Variants in ANO1 observed in about 807,000 individuals in gnomAD.
ANO1 encodes anoctamin-1.
A neutral mutation model predicts 124.0 loss-of-function variants in ANO1; 59 were observed. The observed-to-expected ratio is 0.48, with a 90% CI of 0.39 to 0.59. ANO1 has a LOEUF of 0.59. Ranked by LOEUF, ANO1 falls within the 20% of genes least tolerant of loss-of-function variation. The pLI, the probability that ANO1 is intolerant of heterozygous loss-of-function variation, is 0.00. For synonymous variants in ANO1, 529 were observed against 532.0 expected (o/e 0.99, Z 0.08); for missense variants, 1,059 against 1,328.0 (o/e 0.80, Z 3.15).
chr11:70,122,122 A>G (rs1359466961), intron 8 of ANO1, among the ~76,000 whole-genome samples: 2 of 48,902 alleles, frequency 4.1e-5, no homozygotes, highest in African/African-American at 8.6e-5. Context: ...CTGTCTCTCT[A>G]TCTCTGTCTC....
chr11:70,124,481 T>C, intron 9 of ANO1, 67 bp downstream of exon 9: 7 of 1,528,904 alleles, frequency 4.6e-6, no homozygotes, highest in Non-Finnish European at 6.3e-6. Context: ...AACATCCCTG[T>C]GGGTTTCAAC....
intron 1 of ANO1, among the ~76,000 whole-genome samples, chr11:70,079,509 G>A (rs1270162095): frequency 6.6e-6 from 1 of 152,066 alleles, no homozygotes; most frequent in East Asian, 1.9e-4. Flanking sequence ...AGAGAGGGGG[G>A]CAGAATTCTC....
chr11:70,126,733 T>TG (rs2046529308), intron 10 of ANO1, among the ~76,000 whole-genome samples: 1 of 118,284 alleles, frequency 8.5e-6, no homozygotes, highest in Admixed American at 8.4e-5. Flanking sequence ...GGCTGGTGCT[T>TG]GCGGGAGGTG....
At chr11:70,172,933 T>C (rs973873442) in intron 22 of ANO1, among the ~76,000 whole-genome samples, 1 of 152,118 alleles carries the variant, frequency 6.6e-6, no homozygotes, top group African/African-American at 2.4e-5. Context: ...GGTATTTGTG[T>C]CATTCTCGTT....
At chr11:70,146,539 A>G (rs1232465572) in intron 11 of ANO1, among the ~76,000 whole-genome samples, 1 of 152,144 alleles carries the variant, frequency 6.6e-6, no homozygotes, top group Non-Finnish European at 1.5e-5. Context: ...TTCTCTGGAA[A>G]GACAGAACTA....
chr11:70,003,436 T>A (rs11236271), intron 1 of ANO1, among the ~76,000 whole-genome samples: 74,065 of 152,054 alleles, frequency 0.49, 19,314 homozygotes, highest in East Asian at 0.89. Flanking sequence ...ACTTACTGTG[T>A]ACCTCCTGTA....
Position 69,995,639 on chromosome 11 carries a change from A to G in ANO1, c.58+9473A>G, listed in dbSNP as rs1385308040. 2.0e-5 allele frequency among the ~76,000 whole-genome samples: 3 copies of G among 151,980 alleles called. No homozygotes were observed. The East Asian group carries it at 5.8e-4, about 29-fold the overall frequency. ...GTCCCTCAACTGGAACTTTCTTCTCATTATTCAGCTGGGATTATTAGTTTG... is the reference window on the plus strand; with the variant it reads ...GTCCCTCAACTGGAACTTTCTTCTCGTTATTCAGCTGGGATTATTAGTTTG... On this transcript the variant is annotated intron_variant, in intron 1 of 27. Coordinates refer to the ANO1 transcript ENST00000531349.
chr11:70,093,195 C>G (rs2044703954), intron 2 of ANO1, among the ~76,000 whole-genome samples: 1 of 150,626 alleles, frequency 6.6e-6, no homozygotes, highest in Non-Finnish European at 1.5e-5. Context: ...TCTCTTCTCT[C>G]TCTCCTTTCT....
At position 70,116,404 on chromosome 11, in the gene ANO1, G is replaced by A. The variant is rs372328002; in HGVS notation, c.856-54G>A. The A allele has an allele frequency of 2.9e-5, 44 of 1,502,916 alleles. No individual in the cohort carries two copies. The East Asian group carries it at 3.1e-4, about 11-fold the overall frequency. The allele number at this position is 1,502,916 out of a possible 1,614,324, so 93.1% of individuals were successfully genotyped here. ...GTTTTGAAACATAATGGATGTGAGCGCCTCCAAAGCTCCATTGGATGATAA... is the reference window on the plus strand; with the variant it reads ...GTTTTGAAACATAATGGATGTGAGCACCTCCAAAGCTCCATTGGATGATAA... On this transcript the variant is annotated intron_variant, in intron 7 of 25. Transcript: ENST00000355303.
chr11:70,003,595 G>GTGGATGGATGGGTGGA (rs1290661936), intron 1 of ANO1, among the ~76,000 whole-genome samples: 3 of 65,876 alleles, frequency 4.6e-5, no homozygotes, highest in Admixed American at 1.6e-4. Context: ...GGATGGATGG[G>GTGGATGGATGGGTGGA]TGGATGGATG....
chr11:70,022,252 T>C (rs1856822844), intron 1 of ANO1, among the ~76,000 whole-genome samples: 1 of 152,204 alleles, frequency 6.6e-6, no homozygotes, highest in South Asian at 2.1e-4. Flanking sequence ...TTCACGACTC[T>C]GGACCTCAGC....
intron 8 of ANO1, among the ~76,000 whole-genome samples, chr11:70,123,913 C>G (rs1207566467): frequency 6.6e-6 from 1 of 152,184 alleles, no homozygotes; most frequent in Non-Finnish European, 1.5e-5. Context: ...GTGTCAATTT[C>G]ACTTATTTCA....
rs753664227 is a variant in ANO1 at position 70,161,141 on chromosome 11, TG to T, written c.1579-19del. On this transcript the variant is annotated intron_variant, in intron 16 of 25. Transcript: ENST00000355303. The stretch of plus-strand genomic sequence containing the variant: ...TCCTGGGTGGGCCCCCAACCAAGAG[TG>T]CCCCTTTCCCCCCTGCAGATTGCAG... 3 of 1,606,218 alleles carry T rather than the reference TG, an allele frequency of 1.9e-6. No individual in the cohort carries two copies. Among genetic ancestry groups the T allele is most frequent in the Non-Finnish European group, 2.5e-6 (3 of 1,176,560 alleles).
chr11:70,134,663 CAT>C (rs912159196), intron 11 of ANO1, among the ~76,000 whole-genome samples: 8 of 152,218 alleles, frequency 5.3e-5, no homozygotes, highest in Non-Finnish European at 1.0e-4. Flanking sequence ...GTACTGAGCA[CAT>C]GTGTCCCACC....
chr11:69,984,408 T>G (rs1855989190), upstream of ANO1, among the ~76,000 whole-genome samples: 1 of 127,354 alleles, frequency 7.9e-6, no homozygotes, highest in Admixed American at 9.3e-5. Context: ...GAGTCCGGAC[T>G]GAAACGAGAT....
chr11:70,110,377 G>A (rs569720594), intron 6 of ANO1, among the ~76,000 whole-genome samples: 112 of 151,942 alleles, frequency 7.4e-4, no homozygotes, highest in African/African-American at 2.5e-3. Context: ...TAGTAGAGAC[G>A]GGGTTTCACT....
intron 10 of ANO1, among the ~76,000 whole-genome samples, chr11:70,131,207 A>G (rs1266084287): frequency 6.6e-6 from 1 of 152,100 alleles, no homozygotes; most frequent in Non-Finnish European, 1.5e-5. Context: ...CCCATCTACC[A>G]CAAAGCAGGT....
In ANO1 at chr11:70,170,947, C is replaced by T. The variant is rs1230752062; in HGVS notation, c.2258C>T (p.Ala753Val). 6 of 1,613,228 alleles carry T rather than the reference C, an allele frequency of 3.7e-6. No individual in the cohort carries two copies. The highest frequency in any genetic ancestry group is 4.2e-6 in the Non-Finnish European group (5 of 1,179,664). The stretch of plus-strand genomic sequence containing the variant: ...TCCTTCCCCCTGGCCCCACTGTTTG[C>T]GCTGCTGAACAACATCATCGAGATC... ...VASFPLAPLF[A>V]LLNNIIEIRL... is the part of the protein sequence containing the mutation. The change falls in exon 22 of 26, where the codon GCG (alanine) becomes GTG (valine). Residue 753 changes from alanine to valine, a missense_variant. Physicochemically the swap from Ala to Val is moderately conservative, Grantham distance 64 (BLOSUM62 0). Transcript: ENST00000355303.
At chr11:70,112,405 C>T (rs1164730205) in intron 7 of ANO1, among the ~76,000 whole-genome samples, 2 of 152,196 alleles carry the variant, frequency 1.3e-5, no homozygotes, top group African/African-American at 4.8e-5. Context: ...AGGGACAGGC[C>T]TGGGACTAAG....
Sources: allele counts gnomAD v4.1 joint callset (sites outside exome capture counted in the v4.1 genomes callset), GRCh38; gene constraint gnomAD v4.1.1; transcripts MANE v1.5; gene names NCBI Gene and HGNC (gene_info 2026-07-23, HGNC 2026-07-21).